Variants in GRIK3 observed in about 807,000 individuals in gnomAD.
The protein encoded by GRIK3 is glutamate ionotropic receptor kainate type subunit 3.
Under a neutral mutation model 102.5 loss-of-function variants are expected in GRIK3, and 29 were observed. That is an observed-to-expected ratio of 0.28 (90% confidence interval 0.21 to 0.39). The LOEUF (loss-of-function observed/expected upper bound fraction) is 0.39, where lower values mean the gene tolerates loss of function less well. Among genes scored for constraint, GRIK3 ranks in the 10% least tolerant of loss-of-function variants. GRIK3 has a pLI of 1.00. For synonymous variants in GRIK3, 511 were observed against 504.9 expected (o/e 1.01, Z -0.16); for missense variants, 908 against 1,252.4 (o/e 0.73, Z 4.15).
At chr1:36,897,875 A>G (rs500114) in intron 1 of GRIK3, among the ~76,000 whole-genome samples, 5,087 of 152,310 alleles carry the variant, frequency 0.033, 229 homozygotes, top group East Asian at 0.12. Context: ...ACAATAACCA[A>G]AATTTGGGAG....
intron 1 of GRIK3, among the ~76,000 whole-genome samples, chr1:36,946,373 C>T (rs2124330255): frequency 6.6e-6 from 1 of 152,342 alleles, no homozygotes; most frequent in Non-Finnish European, 1.5e-5. Flanking sequence ...CTGCAAGTGA[C>T]CACTGGACCT....
chr1:37,034,020 C>A lies in GRIK3; in HGVS notation c.89G>T (p.Arg30Leu). The A allele has an allele frequency of 6.2e-7, 1 of 1,600,294 alleles. No individual in the cohort carries two copies. Among genetic ancestry groups the A allele is most frequent in the Non-Finnish European group, 8.5e-7 (1 of 1,173,562 alleles). ...GATCCGGATGACGTGGGGCATCCCGCGCGAGTCCGGGATCCAGAAGGCGCA... is the reference window on the plus strand; with the variant it reads ...GATCCGGATGACGTGGGGCATCCCGAGCGAGTCCGGGATCCAGAAGGCGCA... ...LVCAFWIPDS[R>L]GMPHVIRIGG... Residue 30 changes from arginine to leucine, a missense_variant, in exon 1 of 16, where the codon CGC (arginine) becomes CTC (leucine). Transcript: ENST00000373091.
intron 4 of GRIK3, among the ~76,000 whole-genome samples, chr1:36,870,575 C>T (rs541261410): frequency 6.6e-6 from 1 of 152,300 alleles, no homozygotes; most frequent in Non-Finnish European, 1.5e-5. Context: ...GAGTCACAGC[C>T]CACCTCAGCA....
intron 1 of GRIK3, among the ~76,000 whole-genome samples, chr1:36,973,585 A>ATT (rs1642166532): frequency 3.4e-5 from 4 of 116,216 alleles, no homozygotes; most frequent in African/African-American, 2.2e-4. Context: ...ACGCCCGGCT[A>ATT]ATTTTTTTTT....
intron 1 of GRIK3, among the ~76,000 whole-genome samples, chr1:36,936,085 T>C (rs1235643060): frequency 6.6e-6 from 1 of 152,070 alleles, no homozygotes; most frequent in Non-Finnish European, 1.5e-5. Flanking sequence ...GGGAGATAAA[T>C]AACGCAAAGA....
intron 1 of GRIK3, among the ~76,000 whole-genome samples, chr1:37,025,015 GGAGGGAAGGGATCAA>G (rs1642752858): frequency 6.6e-6 from 1 of 152,164 alleles, no homozygotes. Flanking sequence ...CACACAGCCA[GGAGGGAAGGGATCAA>G]GAGTTGAAAC....
At chr1:36,981,392 G>T (rs778135084) in intron 1 of GRIK3, among the ~76,000 whole-genome samples, 2 of 152,206 alleles carry the variant, frequency 1.3e-5, no homozygotes, top group Admixed American at 1.3e-4. Flanking sequence ...GAGAGAGGGG[G>T]CAGTGAGCCA....
At chr1:37,026,496 C>T (rs1167586847) in intron 1 of GRIK3, among the ~76,000 whole-genome samples, 3 of 152,186 alleles carry the variant, frequency 2.0e-5, no homozygotes, top group African/African-American at 7.2e-5. Flanking sequence ...GATGTGGCCC[C>T]ACCCTTGGGG....
rs1446478085 is a variant in GRIK3 at position 36,796,195 on chromosome 1, C to T, written c.*5656G>A. On this transcript the variant is annotated 3_prime_UTR_variant, in exon 16 of 16. Transcript: ENST00000373091. ...CTGCATGCTCCAGAGATGCTCAGAC[C>T]TGCGAAAGAGGCTAAAGGAATGGAA... 1.3e-5 allele frequency: 2 copies of T among 152,300 alleles called. No individual in the cohort carries two copies. Among genetic ancestry groups the T allele is most frequent in the South Asian group, 2.1e-4 (1 of 4,832 alleles). The allele number at this position is 152,300 out of a possible 1,614,324, so 9.4% of individuals were successfully genotyped here.
At chr1:36,855,898 C>T (rs1181138946) in intron 7 of GRIK3, among the ~76,000 whole-genome samples, 3 of 152,228 alleles carry the variant, frequency 2.0e-5, no homozygotes, top group Non-Finnish European at 4.4e-5. Context: ...CCCCATTTTG[C>T]AGATGTGGAC....
chr1:36,909,838 T>A (rs994574239), intron 1 of GRIK3, among the ~76,000 whole-genome samples: 1 of 152,224 alleles, frequency 6.6e-6, no homozygotes, highest in African/African-American at 2.4e-5. Flanking sequence ...TGATATGTTG[T>A]TATATGTTTC....
intron 1 of GRIK3, among the ~76,000 whole-genome samples, chr1:36,954,747 G>A (rs192120186): frequency 8.5e-5 from 13 of 152,270 alleles, no homozygotes; most frequent in African/African-American, 2.2e-4. Context: ...ACCTGTGCAC[G>A]CACAAGGACA....
At chr1:36,985,437 G>A (rs1027134620) in intron 1 of GRIK3, among the ~76,000 whole-genome samples, 9 of 151,584 alleles carry the variant, frequency 5.9e-5, no homozygotes, top group African/African-American at 2.2e-4. Flanking sequence ...TCGGGGACAT[G>A]GGCCTCACAG....
chr1:36,850,544 C>A lies in GRIK3; in HGVS notation c.1213-120G>T. ...TGAGCCTCATTGTCATGATCATCAT[C>A]ATCATCACCACTGCCATTGTGTTTC... On this transcript the variant is annotated intron_variant, in intron 8 of 15. Transcript: ENST00000373091. This position sits in a 1 kb window ranked among gnomAD's most constrained non-coding sequence, Gnocchi z 4.0. 1 of 669,714 alleles carries A rather than the reference C, an allele frequency of 1.5e-6. No homozygotes were observed. The allele number at this position is 669,714 out of a possible 1,614,324, so 41.5% of individuals were successfully genotyped here. A position where few individuals can be genotyped will look rare whatever the true frequency, so the allele number is the denominator to read the frequency against.
At chr1:36,852,056 G>A (rs1309509395) in intron 8 of GRIK3, among the ~76,000 whole-genome samples, 1 of 152,192 alleles carries the variant, frequency 6.6e-6, no homozygotes, top group Non-Finnish European at 1.5e-5. Flanking sequence ...CACTGCAGGA[G>A]CTTAAATAGA....
At chr1:36,986,365 G>A (rs1449602110) in intron 1 of GRIK3, among the ~76,000 whole-genome samples, 3 of 143,982 alleles carry the variant, frequency 2.1e-5, no homozygotes, top group South Asian at 2.3e-4. Flanking sequence ...CCATCCATCC[G>A]TCAGTCCGCC....
intron 5 of GRIK3, among the ~76,000 whole-genome samples, chr1:36,869,305 C>T (rs539133639): frequency 2.0e-5 from 3 of 152,198 alleles, no homozygotes; most frequent in South Asian, 2.1e-4. Context: ...CCGAGATATG[C>T]GTGGGGAAGT....
At chr1:36,920,214 C>G (rs548779892) in intron 1 of GRIK3, among the ~76,000 whole-genome samples, 52 of 152,348 alleles carry the variant, frequency 3.4e-4, no homozygotes, top group African/African-American at 1.2e-3. Context: ...GTCTAGTGAC[C>G]TGGAACCAGA....
intron 1 of GRIK3, among the ~76,000 whole-genome samples, chr1:36,970,183 C>T (rs774616483): frequency 1.3e-5 from 2 of 152,182 alleles, no homozygotes; most frequent in South Asian, 4.1e-4. Context: ...CAACCAACTA[C>T]ACAGTTTCTG....
Sources: allele counts gnomAD v4.1 joint callset (sites outside exome capture counted in the v4.1 genomes callset), GRCh38; gene constraint gnomAD v4.1.1; non-coding constraint Gnocchi (gnomAD v3.1); transcripts MANE v1.5; gene names NCBI Gene and HGNC (gene_info 2026-07-23, HGNC 2026-07-21).